Variants in PIK3R5 observed in about 807,000 individuals in gnomAD.
The protein encoded by PIK3R5 is phosphoinositide-3-kinase regulatory subunit 5.
Under a neutral mutation model 94.9 loss-of-function variants are expected in PIK3R5, and 32 were observed. That is an observed-to-expected ratio of 0.34 (90% CI 0.25 to 0.45). The LOEUF (loss-of-function observed/expected upper bound fraction) is 0.45, where lower values mean the gene tolerates loss of function less well. Ranked by LOEUF, PIK3R5 falls within the 20% of genes least tolerant of loss-of-function variation. The probability of loss-of-function intolerance (pLI) is 1.00; values close to 1 mark genes in which losing one functional copy is unlikely to be tolerated. For synonymous variants in PIK3R5, 443 were observed against 479.4 expected (o/e 0.92, Z 0.99); for missense variants, 853 against 1,144.6 (o/e 0.75, Z 3.68).
In PIK3R5 at chr17:8,880,897, T is replaced by G. The variant is rs1206665733; in HGVS notation, c.2495+8A>C. On this transcript the variant is annotated splice_region_variant and intron_variant, in intron 18 of 18. Transcript: ENST00000447110. The stretch of plus-strand genomic sequence containing the variant: ...ACTGCTCCCCTCCCTAGGACCCCCC[T>G]TTCCTACCTGACTACACTCTGCAGG... 1.9e-6 allele frequency: 3 copies of G among 1,613,492 alleles called. No individual in the cohort carries two copies. The African/African-American group carries it at 4.0e-5, about 22-fold the overall frequency.
intron 1 of PIK3R5, among the ~76,000 whole-genome samples, chr17:8,917,937 T>A (rs889080366): frequency 6.6e-6 from 1 of 152,066 alleles, no homozygotes; most frequent in African/African-American, 2.4e-5. Flanking sequence ...AATAAGTGAA[T>A]AAACCATAGA....
Position 8,909,046 on chromosome 17 carries a change from T to G in PIK3R5, c.204+28A>C. The G allele has an allele frequency of 7.2e-7, 1 of 1,391,912 alleles. No homozygotes were observed. Among genetic ancestry groups the G allele is most frequent in the Non-Finnish European group, 1.0e-6 (1 of 986,468 alleles). The allele number at this position is 1,391,912 out of a possible 1,614,324, so 86.2% of individuals were successfully genotyped here. A position where few individuals can be genotyped will look rare whatever the true frequency, so the allele number is the denominator to read the frequency against. The stretch of plus-strand genomic sequence containing the variant: ...CACTCTACGAGGCCGACCCCAGATC[T>G]GCCCTTCAATTCCTGACTCCCCCTC... On this transcript the variant is annotated intron_variant, in intron 3 of 18. Coordinates refer to ENST00000447110, the MANE Select transcript of PIK3R5 (RefSeq NM_001142633.3). The surrounding 1 kb of genome is among the most constrained non-coding windows in gnomAD (Gnocchi z 4.3).
At position 8,882,352 on chromosome 17, in the gene PIK3R5, A is replaced by C; in HGVS notation, c.2206-471T>G. 2 of 164,908 alleles carry C rather than the reference A, an allele frequency of 1.2e-5. No homozygotes were observed. The highest frequency in any genetic ancestry group is 5.6e-5 in the Admixed American group (1 of 17,774). The allele number at this position is 164,908 out of a possible 1,614,324, so 10.2% of individuals were successfully genotyped here. Reference sequence around the variant, plus strand: ...AGTTCACTGCTCTCCCCTCCTTGAAAACCTCTCCTGGGCTTTCGTGATGGC... The same window carrying C: ...AGTTCACTGCTCTCCCCTCCTTGAACACCTCTCCTGGGCTTTCGTGATGGC... On this transcript the variant is annotated intron_variant, in intron 15 of 18. Transcript: ENST00000447110. This position sits in a 1 kb window ranked among gnomAD's most constrained non-coding sequence, Gnocchi z 4.1.
At position 8,904,454 on chromosome 17, in the gene PIK3R5, G is replaced by A. The variant is rs921075591; in HGVS notation, c.412+323C>T. Among the ~76,000 whole-genome samples, 1 of 152,194 alleles carries A rather than the reference G, an allele frequency of 6.6e-6. No homozygotes were observed. The highest frequency in any genetic ancestry group is 1.5e-5 in the Non-Finnish European group (1 of 68,032). ...TCCTGGGGGCTTCTCTGTCTGATCT[G>A]GGTAGCCTTGGAGACCCCTTGACTA... On this transcript the variant is annotated intron_variant, in intron 5 of 18. Transcript: ENST00000447110. This position sits in a 1 kb window ranked among gnomAD's most constrained non-coding sequence, Gnocchi z 5.1.
chr17:8,915,413 C>CA (rs201916256), intron 1 of PIK3R5, among the ~76,000 whole-genome samples: 11,131 of 103,726 alleles, frequency 0.11, 517 homozygotes, highest in East Asian at 0.17. Context: ...GACTCTGTCT[C>CA]AAAAAAAAAA....
At chr17:8,957,185 T>G (rs953093922) in intron 1 of PIK3R5, among the ~76,000 whole-genome samples, 2 of 152,228 alleles carry the variant, frequency 1.3e-5, no homozygotes, top group African/African-American at 4.8e-5. Flanking sequence ...TAAGCTATAT[T>G]GGTCTCCTTT....
chr17:8,932,530 C>T (rs552489794), intron 1 of PIK3R5, among the ~76,000 whole-genome samples: 12 of 152,200 alleles, frequency 7.9e-5, no homozygotes, highest in Admixed American at 3.9e-4. Context: ...CCACCGCACC[C>T]GGCCTGGAAG....
chr17:8,940,501 C>G (rs2091157895), intron 1 of PIK3R5, among the ~76,000 whole-genome samples: 1 of 152,176 alleles, frequency 6.6e-6, no homozygotes, highest in South Asian at 2.1e-4. Context: ...ATCCCATACA[C>G]AAAACGACCA....
At chr17:8,936,012 C>T (rs556219170) in intron 1 of PIK3R5, among the ~76,000 whole-genome samples, 2 of 150,884 alleles carry the variant, frequency 1.3e-5, no homozygotes, top group Non-Finnish European at 3.0e-5. Context: ...TGAGCTTGCG[C>T]CACTGCACTC....
chr17:8,899,556 T>C (rs768748148), intron 5 of PIK3R5, among the ~76,000 whole-genome samples: 14 of 152,360 alleles, frequency 9.2e-5, no homozygotes, highest in Admixed American at 4.6e-4. Context: ...AACGTCTTGC[T>C]GAAGGCCCAC....
At chr17:8,950,174 T>C (rs762604859) in intron 1 of PIK3R5, among the ~76,000 whole-genome samples, 2 of 152,210 alleles carry the variant, frequency 1.3e-5, no homozygotes, top group Non-Finnish European at 2.9e-5. Flanking sequence ...ATAACACAGA[T>C]AGATGGATTC....
At position 8,881,733 on chromosome 17, in the gene PIK3R5, G is replaced by C; in HGVS notation, c.2300-21C>G. On this transcript the variant is annotated intron_variant, in intron 16 of 18. Coordinates refer to ENST00000447110, the MANE Select transcript of PIK3R5 (RefSeq NM_001142633.3). This position sits in a 1 kb window ranked among gnomAD's most constrained non-coding sequence, Gnocchi z 4.8. The stretch of plus-strand genomic sequence containing the variant: ...GGAATCTGAGGGGCAAGGACACTCA[G>C]GCCAGGCTCAGAGCACCTCCCTACT... The C allele has an allele frequency of 6.2e-7, 1 of 1,613,516 alleles. No individual in the cohort carries two copies. The highest frequency in any genetic ancestry group is 8.5e-7 in the Non-Finnish European group (1 of 1,179,534).
chr17:8,948,616 T>C (rs919176896), intron 1 of PIK3R5, among the ~76,000 whole-genome samples: 2 of 151,932 alleles, frequency 1.3e-5, no homozygotes, highest in African/African-American at 2.4e-5. Context: ...CACAAGGCAA[T>C]ACCACTACAC....
chr17:8,881,007 G>T lies in PIK3R5; in HGVS notation c.2393C>A (p.Ser798Ter). 3 of 1,613,606 alleles carry T rather than the reference G, an allele frequency of 1.9e-6. No homozygotes were observed. The highest frequency in any genetic ancestry group is 1.7e-6 in the Non-Finnish European group (2 of 1,179,530). The change falls in exon 18 of 19, where the codon TCG becomes TAG. Residue 798 changes from serine (S) to a stop codon, truncating the protein, a stop_gained. Coordinates refer to ENST00000447110, the MANE Select transcript of PIK3R5 (RefSeq NM_001142633.3). LOFTEE classifies it high-confidence loss of function. The surrounding 1 kb of genome is among the most constrained non-coding windows in gnomAD (Gnocchi z 4.8). ...CTGCACCTTGTCCACTTTGATCTGC[G>T]ATGTGCTAATCTGGAAGGAAGGCCC... ...SKKGFNQIST[S>*]QIKVDKVQII... is the part of the protein sequence containing the mutation.
chr17:8,934,675 T>A (rs1310728364), intron 1 of PIK3R5, among the ~76,000 whole-genome samples: 1 of 152,202 alleles, frequency 6.6e-6, no homozygotes, highest in African/African-American at 2.4e-5. Flanking sequence ...AGGGCTACAG[T>A]AATCAAGACA....
In PIK3R5 at chr17:8,889,602, T is replaced by C. The variant is rs183873750; in HGVS notation, c.811+371A>G. Among the ~76,000 whole-genome samples, 130 of 152,286 alleles carry C rather than the reference T, an allele frequency of 8.5e-4. 2 individuals carry two copies. Among genetic ancestry groups the C allele is most frequent in the Non-Finnish European group, 3.5e-4 (24 of 68,020 alleles). ...GCTCCCTTCTATGGTACTGGAGTCA[T>C]AGAGACGATGTTTCCCAGGCTCCTT... On this transcript the variant is annotated intron_variant, in intron 8 of 18. Coordinates refer to ENST00000447110, the MANE Select transcript of PIK3R5 (RefSeq NM_001142633.3). The surrounding 1 kb of genome is among the most constrained non-coding windows in gnomAD (Gnocchi z 4.1).
chr17:8,939,877 G>C (rs2091142856), intron 1 of PIK3R5, among the ~76,000 whole-genome samples: 1 of 152,058 alleles, frequency 6.6e-6, no homozygotes, highest in African/African-American at 2.4e-5. Context: ...TCACCTTCCT[G>C]CCCCAATGTC....
intron 5 of PIK3R5, among the ~76,000 whole-genome samples, chr17:8,902,275 T>TTTTA (rs2090302242): frequency 7.4e-6 from 1 of 135,398 alleles, no homozygotes; most frequent in Non-Finnish European, 1.6e-5. Flanking sequence ...TTTTTTTTTT[T>TTTTA]AGATGGAGTC....
Position 8,887,672 on chromosome 17 carries a change from T to C in PIK3R5, c.1628A>G (p.Asn543Ser). 1 of 1,598,536 alleles carries C rather than the reference T, an allele frequency of 6.3e-7. No individual in the cohort carries two copies. The highest frequency in any genetic ancestry group is 8.5e-7 in the Non-Finnish European group (1 of 1,172,408). ...GAACCGTGTGAGGAGTGGGCGATTG[T>C]TCTCCAGCCGCCTGGCAAGAAGAAG... ...RAYSNLRRLE[N>S]NRPLLTRFFK... The change falls in exon 11 of 19, where the codon AAC becomes AGC. Residue 543 changes from asparagine to serine, a missense_variant. By Grantham distance (46) the Asn-to-Ser change is conservative. Around this residue, in one of 6 missense-constraint regions of PIK3R5, gnomAD observed 319 missense variants for 339.8 expected, o/e 0.94. Coordinates refer to ENST00000447110, the MANE Select transcript of PIK3R5 (RefSeq NM_001142633.3).
Sources: gnomAD v4.1 joint callset for allele counts (sites outside exome capture counted in the v4.1 genomes callset) on GRCh38, gnomAD v4.1.1 for gene constraint, gnomAD v4.1.1 regional missense constraint, Gnocchi (gnomAD v3.1) non-coding constraint, MANE v1.5 for transcripts, NCBI Gene and HGNC (gene_info 2026-07-23, HGNC 2026-07-21) for gene names.